The following EIF2D variants were observed in gnomAD, a reference collection of about 807,000 sequenced individuals.
EIF2D encodes the protein eukaryotic translation initiation factor 2D.
In EIF2D, 56 loss-of-function variants were observed where a neutral mutation model predicts 77.4. That is an observed-to-expected ratio of 0.72 (90% CI 0.58 to 0.90). The LOEUF (loss-of-function observed/expected upper bound fraction) is 0.90, where lower values mean the gene tolerates loss of function less well. EIF2D is among the 40% of genes least tolerant of loss of function. EIF2D has a pLI of 0.00. For missense variants in EIF2D, 574 were observed against 706.5 expected, an observed-to-expected ratio of 0.81 and a Z score of 2.13; for synonymous variants, 230 against 271.0, an observed-to-expected ratio of 0.85 and a Z score of 1.49.
chr1:206,577,273 G>A (rs1345552034), intron 4 of EIF2D, among the ~76,000 whole-genome samples: 1 of 152,136 alleles, frequency 6.6e-6, no homozygotes, highest in Non-Finnish European at 1.5e-5. Context: ...TGCAGAGAAA[G>A]GAATTAACAA....
At chr1:206,573,095 G>C (rs1291716342) in intron 4 of EIF2D, among the ~76,000 whole-genome samples, 4 of 152,200 alleles carry the variant, frequency 2.6e-5, no homozygotes, top group Non-Finnish European at 4.4e-5. Flanking sequence ...TGCTTACTGT[G>C]TACTTTGTGC....
intron 4 of EIF2D, among the ~76,000 whole-genome samples, chr1:206,577,521 G>C (rs1038361363): frequency 4.6e-5 from 7 of 152,182 alleles, no homozygotes; most frequent in Admixed American, 2.0e-4. Context: ...AGAAACTGAG[G>C]CTTAGAGATT....
chr1:206,595,957 A>C, intron 12 of EIF2D, 119 bp from the exon 13 acceptor site: 1 of 1,372,012 alleles, frequency 7.3e-7, no homozygotes, highest in Non-Finnish European at 1.0e-6. Context: ...CCTTGGCTGC[A>C]CATTAGAATC....
In EIF2D at chr1:206,581,017, T is replaced by A. The variant is rs557503074; in HGVS notation, c.*95A>T. 10 of 152,368 alleles carry A rather than the reference T, an allele frequency of 6.6e-5. No homozygotes were observed. The East Asian group carries it at 1.5e-3, about 24-fold the overall frequency. The allele number at this position is 152,368 out of a possible 1,614,324, so 9.4% of individuals were successfully genotyped here. A position where few individuals can be genotyped will look rare whatever the true frequency, so the allele number is the denominator to read the frequency against. ...TTATGGGTGTGGCAGGCCGGCCCCT[T>A]CAGCAAAAGATGCCGTCCCATGGTG... On this transcript the variant is annotated 3_prime_UTR_variant and NMD_transcript_variant, in exon 3 of 6. Coordinates refer to the EIF2D transcript ENST00000472709.
At position 206,584,266 on chromosome 1, in the gene EIF2D, G is replaced by A. The variant is rs981276678; in HGVS notation, c.139-3104C>T. 5 of 944,024 alleles carry A rather than the reference G, an allele frequency of 5.3e-6. No individual in the cohort carries two copies. The African/African-American group carries it at 6.7e-5, about 13-fold the overall frequency. 58.5% of individuals were successfully genotyped at this position (944,024 alleles called of 1,614,324 possible). ...TCCTTCCTCCAGCTCTCCCACGTCAGCAGAGGCAGGAAAGAACTCAAGGAG... is the reference window on the plus strand; with the variant it reads ...TCCTTCCTCCAGCTCTCCCACGTCAACAGAGGCAGGAAAGAACTCAAGGAG... On this transcript the variant is annotated intron_variant and NMD_transcript_variant, in intron 2 of 5. Transcript: ENST00000472709. The surrounding 1 kb of genome is among the most constrained non-coding windows in gnomAD (Gnocchi z 4.9).
Position 206,611,164 on chromosome 1 carries a change from T to C in EIF2D, c.247+20A>G, listed in dbSNP as rs1484380580. ...AAGAACTACCTAATGGTAATGGCCA[T>C]CTTCGTCCTGTTGTCATACCTGTTG... is the stretch of plus-strand genomic sequence containing the variant. On this transcript the variant is annotated intron_variant, in intron 2 of 14. Transcript: ENST00000271764. 3.8e-6 allele frequency: 6 copies of C among 1,598,818 alleles called. No homozygotes were observed. The Admixed American group carries it at 8.4e-5, about 22-fold the overall frequency.
chr1:206,610,714 G>C (rs1476105932), intron 2 of EIF2D, among the ~76,000 whole-genome samples: 1 of 151,778 alleles, frequency 6.6e-6, no homozygotes, highest in Non-Finnish European at 1.5e-5. Flanking sequence ...CCTGCTACTC[G>C]GGAGGCTGAG....
chr1:206,611,699 C>G (rs1465245031), intron 1 of EIF2D, among the ~76,000 whole-genome samples: 2 of 152,220 alleles, frequency 1.3e-5, no homozygotes, highest in African/African-American at 4.8e-5. Context: ...ACTCCTTTCT[C>G]ATACATGCTT....
At chr1:206,588,970 T>C (rs1243502118), downstream of EIF2D, 1 of 152,760 alleles carries the variant, frequency 6.5e-6, no homozygotes, top group Non-Finnish European at 1.5e-5. Flanking sequence ...GTCATGTATA[T>C]ATACACATAA....
chr1:206,610,928 T>C (rs1455754789), intron 2 of EIF2D, among the ~76,000 whole-genome samples: 1 of 152,190 alleles, frequency 6.6e-6, no homozygotes, highest in African/African-American at 2.4e-5. Flanking sequence ...AACTTCCCTT[T>C]GCAACCACCC....
In EIF2D at chr1:206,608,307, C is replaced by A. The variant is rs1553413125; in HGVS notation, c.351G>T (p.Leu117=). 2 of 1,612,020 alleles carry A rather than the reference C, an allele frequency of 1.2e-6. No individual in the cohort carries two copies. Among genetic ancestry groups the A allele is most frequent in the Admixed American group, 3.3e-5 (2 of 59,834 alleles). ...VGGADLMLPG[L]VMPPAGLPQV... Reference sequence around the variant, plus strand: ...GAGGCAGACCAGCAGGGGGCATCACCAGTCCAGGCAGCATCAAATCTGCAA... The same window carrying A: ...GAGGCAGACCAGCAGGGGGCATCACAAGTCCAGGCAGCATCAAATCTGCAA... Residue 117 remains leucine (L), a synonymous_variant, in exon 4 of 15, where the codon CTG becomes CTT. Coordinates refer to ENST00000271764, the MANE Select transcript of EIF2D (RefSeq NM_006893.3).
chr1:206,597,741 T>C (rs148096909), intron 11 of EIF2D, among the ~76,000 whole-genome samples: 1 of 150,648 alleles, frequency 6.6e-6, no homozygotes, highest in Non-Finnish European at 1.5e-5. Flanking sequence ...GGTCAGGAGT[T>C]CAAGACTAGC....
intron 14 of EIF2D, 82 bp from the exon 15 acceptor site, chr1:206,591,927 C>A: frequency 7.5e-6 from 10 of 1,331,740 alleles, no homozygotes; most frequent in Non-Finnish European, 9.7e-6. Context: ...CGTTGCCTCA[C>A]AATGTCATTC....
chr1:206,611,330 C>T lies in EIF2D; in HGVS notation c.101G>A (p.Gly34Glu), dbSNP rs543512703. 8.7e-5 allele frequency: 141 copies of T among 1,614,160 alleles called. No homozygotes were observed. In the Middle Eastern group the frequency reaches 1.2e-3, roughly 13 times the overall value. Reference protein sequence around the residue: ...ADVTTAFPTLGTDQVSELVPG... With the variant: ...ADVTTAFPTLETDQVSELVPG... ...TACTAACTCAGAGACTTGATCAGTT[C>T]CAAGGGTGGGGAAAGCAGTTGTCAC... The change falls in exon 2 of 15, where the codon GGA (glycine) becomes GAA (glutamate). Residue 34 changes from glycine (G) to glutamate (E), a missense_variant. Physicochemically the swap from Gly to Glu is moderately conservative, Grantham distance 98. Coordinates refer to ENST00000271764, the MANE Select transcript of EIF2D (RefSeq NM_006893.3).
At chr1:206,596,977 G>T (rs1669677635) in intron 12 of EIF2D, 123 bp downstream of exon 12, 3 of 725,114 alleles carry the variant, frequency 4.1e-6, no homozygotes, top group African/African-American at 3.6e-5. Flanking sequence ...TATGTAGACT[G>T]ACTTGGTATG....
At chr1:206,588,760 G>A (rs542774838), downstream of EIF2D, 1 of 152,818 alleles carries the variant, frequency 6.5e-6, no homozygotes, top group South Asian at 2.1e-4. Flanking sequence ...GCCATCTCAT[G>A]CTCAGCCTTA....
chr1:206,596,847 G>A (rs1055097243), intron 12 of EIF2D, among the ~76,000 whole-genome samples: 10 of 151,968 alleles, frequency 6.6e-5, no homozygotes, highest in Non-Finnish European at 1.0e-4. Flanking sequence ...CACTATGCCT[G>A]CCTGAAGTTC....
rs1311565894 is a variant in EIF2D, at chr1:206,592,840, G to T, written c.1684+779C>A. Among the ~76,000 whole-genome samples, 7 of 152,210 alleles carry T rather than the reference G, an allele frequency of 4.6e-5. No homozygotes were observed. Among genetic ancestry groups the T allele is most frequent in the African/African-American group, 1.7e-4 (7 of 41,444 alleles). On this transcript the variant is annotated intron_variant, in intron 14 of 14. Transcript: ENST00000271764. This position sits in a 1 kb window ranked among gnomAD's most constrained non-coding sequence, Gnocchi z 4.7. ...CTTTAGGCCAGGCATGGTGGCTCAA[G>T]CCTGTAATCCTAGCACTTTGGGAGG...
intron 1 of EIF2D, among the ~76,000 whole-genome samples, chr1:206,611,821 C>A (rs1385187098): frequency 6.6e-6 from 1 of 152,244 alleles, no homozygotes; most frequent in Non-Finnish European, 1.5e-5. Context: ...CCTGTCTGAA[C>A]AGATACAGTT....
Sources: allele counts gnomAD v4.1 joint callset (sites outside exome capture counted in the v4.1 genomes callset), GRCh38; gene constraint gnomAD v4.1.1; non-coding constraint Gnocchi (gnomAD v3.1); transcripts MANE v1.5; gene names NCBI Gene and HGNC (gene_info 2026-07-23, HGNC 2026-07-21).